NBEA: variants seen among roughly 807,000 people sequenced by gnomAD.
The protein encoded by NBEA is lysosomal-trafficking regulator 2.
Under a neutral mutation model 343.4 loss-of-function variants are expected in NBEA, and 44 were observed. The observed-to-expected ratio is 0.13, with a 90% CI of 0.10 to 0.16. The LOEUF is 0.16. Ranked by LOEUF, NBEA falls within the 10% of genes least tolerant of loss-of-function variation. NBEA has a pLI of 1.00. For missense variants in NBEA, 2,555 were observed against 3,631.3 expected (o/e 0.70, Z 7.62); for synonymous variants, 1,175 against 1,238.7 (o/e 0.95, Z 1.08).
chr13:35,567,392 G>T (rs561133841), intron 45 of NBEA, among the ~76,000 whole-genome samples: 4 of 152,192 alleles, frequency 2.6e-5, no homozygotes, highest in Admixed American at 6.5e-5. Flanking sequence ...TACACACATT[G>T]TAGGGAAATA....
chr13:35,557,594 A>C (rs2153019130), intron 44 of NBEA, among the ~76,000 whole-genome samples: 1 of 152,204 alleles, frequency 6.6e-6, no homozygotes, highest in East Asian at 1.9e-4. Flanking sequence ...GATTTTTTTC[A>C]AAAATTACTG....
chr13:34,970,681 A>C (rs2059969576), intron 1 of NBEA, among the ~76,000 whole-genome samples: 1 of 152,100 alleles, frequency 6.6e-6, no homozygotes. Flanking sequence ...GTTGAAGATC[A>C]GATAGTGGTA....
chr13:35,551,406 A>G (rs904995284), intron 43 of NBEA, among the ~76,000 whole-genome samples: 1 of 152,218 alleles, frequency 6.6e-6, no homozygotes, highest in Non-Finnish European at 1.5e-5. Flanking sequence ...AATGCCATAT[A>G]TAAATGCTTC....
intron 1 of NBEA, among the ~76,000 whole-genome samples, chr13:35,038,426 C>T (rs563216018): frequency 6.6e-6 from 1 of 152,200 alleles, no homozygotes; most frequent in South Asian, 2.1e-4. Context: ...TTTTATCAAG[C>T]GGAAGGGGTT....
intron 41 of NBEA, among the ~76,000 whole-genome samples, chr13:35,544,501 G>A (rs2078978758): frequency 6.6e-6 from 1 of 152,140 alleles, no homozygotes; most frequent in African/African-American, 2.4e-5. Flanking sequence ...TGAGTGCACA[G>A]CAGCCTTGTA....
intron 38 of NBEA, among the ~76,000 whole-genome samples, chr13:35,427,186 T>C (rs2152927719): frequency 6.6e-6 from 1 of 152,346 alleles, no homozygotes; most frequent in South Asian, 2.1e-4. Flanking sequence ...GGAGCTGCGT[T>C]CCTTTGGAGG....
In NBEA at chr13:35,656,222, A is replaced by T. The variant is rs548178687; in HGVS notation, c.8362+473A>T. ...AACAGTGAGTGAGTACCCCCTTCAC[A>T]TGAGGCATTGTGGGAGATGCAAAAA... On this transcript the variant is annotated intron_variant, in intron 55 of 58. Coordinates refer to ENST00000379939, the MANE Select transcript of NBEA (RefSeq NM_001385012.1). Among the ~76,000 whole-genome samples, 17 of 152,330 alleles carry T rather than the reference A, an allele frequency of 1.1e-4. No individual in the cohort carries two copies. The South Asian group carries it at 3.3e-3, about 30-fold the overall frequency.
chr13:35,384,791 G>A (rs923965255), intron 38 of NBEA, among the ~76,000 whole-genome samples: 4 of 152,042 alleles, frequency 2.6e-5, no homozygotes, highest in African/African-American at 9.7e-5. Flanking sequence ...CTCCCAAAGT[G>A]GTAGGATTAT....
At position 34,981,080 on chromosome 13, in the gene NBEA, C is replaced by T. The variant is rs1472092602; in HGVS notation, c.294+37966C>T. Among the ~76,000 whole-genome samples the T allele has an allele frequency of 2.0e-5, 3 of 152,188 alleles. No individual in the cohort carries two copies. In the East Asian group the frequency reaches 5.8e-4, roughly 29 times the overall value. On this transcript the variant is annotated intron_variant, in intron 1 of 58. Transcript: ENST00000379939. ...ATAATATGCTAATTTGTAGTTATTT[C>T]CAATTCCCACCCCCAGCCTAAGGCA...
intron 33 of NBEA, among the ~76,000 whole-genome samples, chr13:35,220,691 C>A (rs552629822): frequency 6.6e-6 from 1 of 151,978 alleles, no homozygotes; most frequent in Admixed American, 6.6e-5. Flanking sequence ...TGTTTTCAGG[C>A]GCTGTGGATT....
At chr13:35,137,465 C>T (rs1040817752) in intron 17 of NBEA, among the ~76,000 whole-genome samples, 1 of 150,862 alleles carries the variant, frequency 6.6e-6, no homozygotes, top group Non-Finnish European at 1.5e-5. Flanking sequence ...AAAAAAAAAG[C>T]CCTTCATGTG....
At chr13:35,426,875 C>A (rs112613840) in intron 38 of NBEA, among the ~76,000 whole-genome samples, 3,295 of 152,158 alleles carry the variant, frequency 0.022, 143 homozygotes, top group African/African-American at 0.076. Flanking sequence ...AAACTTCTCG[C>A]TTCATTTCAT....
intron 34 of NBEA, among the ~76,000 whole-genome samples, chr13:35,270,715 T>C (rs895989896): frequency 2.6e-5 from 4 of 152,188 alleles, no homozygotes; most frequent in Non-Finnish European, 5.9e-5. Context: ...CCACAGATCC[T>C]TGCTAGCTGC....
chr13:35,177,623 A>G (rs1328949375), intron 28 of NBEA, among the ~76,000 whole-genome samples: 1 of 151,742 alleles, frequency 6.6e-6, no homozygotes, highest in East Asian at 1.9e-4. Flanking sequence ...GTTTCATGGA[A>G]CCCTCCAATC....
chr13:35,137,267 G>A (rs542335197), intron 17 of NBEA, among the ~76,000 whole-genome samples: 4 of 152,208 alleles, frequency 2.6e-5, no homozygotes, highest in East Asian at 1.9e-4. Flanking sequence ...TGGCTAACAC[G>A]GTGAAACCCC....
chr13:35,369,386 A>G (rs140673982), intron 38 of NBEA, among the ~76,000 whole-genome samples: 280 of 151,884 alleles, frequency 1.8e-3, no homozygotes, highest in African/African-American at 6.0e-3. Flanking sequence ...TTAGGGTTCC[A>G]TATGAATTTT....
At chr13:35,560,725 C>T (rs369056931) in intron 44 of NBEA, among the ~76,000 whole-genome samples, 3 of 152,132 alleles carry the variant, frequency 2.0e-5, no homozygotes, top group African/African-American at 7.2e-5. Context: ...TCTTCATTAC[C>T]TCCACTCTGC....
At chr13:35,156,230 A>G (rs2069160998) in intron 20 of NBEA, 24 bp downstream of exon 20, 1 of 1,528,226 alleles carries the variant, frequency 6.5e-7, no homozygotes, top group Non-Finnish European at 8.8e-7. Flanking sequence ...ATACTGTAAC[A>G]ACACTTTATT....
At chr13:35,358,355 C>A (rs372964083) in intron 38 of NBEA, among the ~76,000 whole-genome samples, 1 of 151,902 alleles carries the variant, frequency 6.6e-6, no homozygotes, top group East Asian at 1.9e-4. Flanking sequence ...TCTATTTGTG[C>A]AAAACAGATA....
Sources: allele counts gnomAD v4.1 joint callset (sites outside exome capture counted in the v4.1 genomes callset), GRCh38; gene constraint gnomAD v4.1.1; transcripts MANE v1.5; gene names NCBI Gene and HGNC (gene_info 2026-07-23, HGNC 2026-07-21).